NEB: variants seen among roughly 807,000 people sequenced by gnomAD.
The protein encoded by NEB is nebulin.
A neutral mutation model predicts 952.2 loss-of-function variants in NEB; 512 were observed. The observed-to-expected ratio is 0.54, with a 90% CI of 0.50 to 0.58. The LOEUF (loss-of-function observed/expected upper bound fraction) is 0.58, where lower values mean the gene tolerates loss of function less well. Among genes scored for constraint, NEB ranks in the 20% least tolerant of loss-of-function variants. The probability of loss-of-function intolerance (pLI) is 0.00; values close to 1 mark genes in which losing one functional copy is unlikely to be tolerated. For synonymous variants in NEB, 2,900 were observed against 3,149.8 expected, an observed-to-expected ratio of 0.92 and a Z score of 2.66; for missense variants, 8,428 against 9,231.1, an observed-to-expected ratio of 0.91 and a Z score of 3.56.
chr2:151,684,696 T>C, intron 28 of NEB, 82 bp downstream of exon 28: 1 of 1,314,594 alleles, frequency 7.6e-7, no homozygotes. Context: ...CTCTAAGAAG[T>C]GCAAAAACCT....
chr2:151,633,487 A>G (rs1264363393), intron 65 of NEB, among the ~76,000 whole-genome samples, 167 bp downstream of exon 65: 8 of 152,172 alleles, frequency 5.3e-5, no homozygotes, highest in Admixed American at 6.5e-5. Flanking sequence ...CTTTCTTATG[A>G]AGTCTATTAG....
At chr2:151,692,647 T>TA (rs1199469038) in intron 20 of NEB, among the ~76,000 whole-genome samples, 1 of 152,182 alleles carries the variant, frequency 6.6e-6, no homozygotes, top group Non-Finnish European at 1.5e-5. Flanking sequence ...TTTTTTGTCT[T>TA]AAAGTAATTC....
chr2:151,554,930 C>T lies in NEB; in HGVS notation c.19428+1G>A, dbSNP rs111279988. On this transcript the variant is annotated splice_donor_variant, in intron 125 of 181. Transcript: ENST00000397345. LOFTEE classifies it high-confidence loss of function. ...ATTAAGGGGCGCATGACCGTACTTA[C>T]ATCGATGTTAAGCTTGCCAACTCGG... The T allele has an allele frequency of 8.1e-6, 13 of 1,605,008 alleles. No individual in the cohort carries two copies. Among genetic ancestry groups the T allele is most frequent in the Non-Finnish European group, 6.0e-6 (7 of 1,171,812 alleles).
intron 13 of NEB, among the ~76,000 whole-genome samples, chr2:151,698,697 G>A (rs1444662876): frequency 1.3e-5 from 2 of 148,552 alleles, no homozygotes; most frequent in Non-Finnish European, 3.0e-5. Context: ...GAGTGCAGTG[G>A]CACAAACTCG....
At chr2:151,622,628 G>C (rs118093256) in intron 71 of NEB, among the ~76,000 whole-genome samples, 4,141 of 152,162 alleles carry the variant, frequency 0.027, 58 homozygotes, top group South Asian at 0.041. Flanking sequence ...AACTGATTAA[G>C]AGAAAATTGT....
At chr2:151,640,858 T>C (rs1039623582) in intron 60 of NEB, among the ~76,000 whole-genome samples, 192 bp from the exon 61 acceptor site, 1 of 151,872 alleles carries the variant, frequency 6.6e-6, no homozygotes, top group Non-Finnish European at 1.5e-5. Flanking sequence ...TTATATAAAA[T>C]ATATACCATA....
intron 13 of NEB, among the ~76,000 whole-genome samples, chr2:151,702,256 T>C (rs2099675491): frequency 6.6e-6 from 1 of 152,020 alleles, no homozygotes. Flanking sequence ...TCTGTTCTTT[T>C]ACATTTGCTG....
intron 27 of NEB, 27 bp from the exon 28 acceptor site, chr2:151,685,002 A>G (rs1254774443): frequency 1.9e-6 from 3 of 1,540,082 alleles, no homozygotes; most frequent in South Asian, 2.4e-5. Flanking sequence ...ATCATTTATT[A>G]TCACAAATCC....
intron 158 of NEB, 47 bp downstream of exon 158, chr2:151,514,771 G>A (rs1174738911): frequency 2.4e-6 from 3 of 1,263,788 alleles, no homozygotes; most frequent in Non-Finnish European, 3.4e-6. Flanking sequence ...TGTCACTAGT[G>A]CAATTATTTG....
chr2:151,519,159 C>T (rs2080210521), intron 154 of NEB, 90 bp from the exon 155 acceptor site: 1 of 843,382 alleles, frequency 1.2e-6, no homozygotes, highest in Non-Finnish European at 2.0e-6. Flanking sequence ...CATCGTCAAA[C>T]AAATGCTGGA....
chr2:151,617,659 G>A (rs545652087), intron 74 of NEB, among the ~76,000 whole-genome samples, 191 bp from the exon 75 acceptor site: 5 of 151,666 alleles, frequency 3.3e-5, no homozygotes, highest in South Asian at 2.1e-4. Context: ...AGGACTTATC[G>A]GTTATGAAAA....
chr2:151,659,937 T>C (rs781773637), intron 46 of NEB, among the ~76,000 whole-genome samples: 3 of 152,214 alleles, frequency 2.0e-5, no homozygotes, highest in Non-Finnish European at 2.9e-5. Context: ...ATTTAACTTA[T>C]GGCCTCTAGC....
At chr2:151,694,709 T>G in intron 18 of NEB, 80 bp from the exon 19 acceptor site, 1 of 1,010,806 alleles carries the variant, frequency 9.9e-7, no homozygotes, top group Non-Finnish European at 1.5e-6. Context: ...GGTAACTAAA[T>G]ACCTTATCTT....
chr2:151,519,091 A>G, intron 154 of NEB, 22 bp from the exon 155 acceptor site: 1 of 1,462,472 alleles, frequency 6.8e-7, no homozygotes. Flanking sequence ...GGGGGAAGAA[A>G]GGAAATCACG....
chr2:151,493,628 G>T, intron 175 of NEB, 147 bp downstream of exon 175: 2 of 747,248 alleles, frequency 2.7e-6, no homozygotes, highest in Non-Finnish European at 4.2e-6. Context: ...TGACCTCGTG[G>T]GGTTGGTTTG....
chr2:151,559,957 A>C (rs2153696756), intron 124 of NEB, among the ~76,000 whole-genome samples: 1 of 152,252 alleles, frequency 6.6e-6, no homozygotes, highest in African/African-American at 2.4e-5. Flanking sequence ...AACAAAACAC[A>C]CACACGCAAA....
chr2:151,630,654 T>C, intron 67 of NEB, 61 bp downstream of exon 67: 1 of 1,357,834 alleles, frequency 7.4e-7, no homozygotes. Context: ...CCCAAGAATC[T>C]CCACAAAACT....
chr2:151,525,179 G>A lies in NEB; in HGVS notation c.22256C>T (p.Ala7419Val), dbSNP rs2084988456. Residue 7419 changes from alanine to valine, a missense_variant, in exon 151 of 182, where the codon GCC becomes GTC. Around this residue, in one of 11 missense-constraint regions of NEB, gnomAD observed 3,374 missense variants for 3,651.5 expected, o/e 0.92. Coordinates refer to ENST00000397345, the MANE Select transcript of NEB (RefSeq NM_001164508.2). Reference protein sequence around the residue: ...PPEVKHAMEVAKKQSDVAYRK... With the variant: ...PPEVKHAMEVVKKQSDVAYRK... ...AAAACTTACATCACTTTGCTTCTTG[G>A]CCACTTCCATAGCATGTTTCACCTC... is the stretch of plus-strand genomic sequence containing the variant. 6.2e-7 allele frequency: 1 copy of A among 1,613,336 alleles called. No homozygotes were observed. The highest frequency in any genetic ancestry group is 8.5e-7 in the Non-Finnish European group (1 of 1,179,428).
Position 151,697,223 on chromosome 2 carries a change from G to A in NEB, c.1395C>T (p.Asp465=), listed in dbSNP as rs759268469. 7.4e-6 allele frequency: 12 copies of A among 1,613,738 alleles called. No individual in the cohort carries two copies. The African/African-American group carries it at 1.3e-4, about 18-fold the overall frequency. ...DKNYKAEYEE[D]RGKGFFPQTI... ...TCTGAGGGAAGAAGCCTTTGCCTCTGTCTTCTTCGTATTCTGCTTTGTAGT... is the reference window on the plus strand; with the variant it reads ...TCTGAGGGAAGAAGCCTTTGCCTCTATCTTCTTCGTATTCTGCTTTGTAGT... Residue 465 remains aspartate, a synonymous_variant, in exon 16 of 182, where the codon GAC becomes GAT. Coordinates refer to ENST00000397345, the MANE Select transcript of NEB (RefSeq NM_001164508.2).
Sources: gnomAD v4.1 joint callset for allele counts (sites outside exome capture counted in the v4.1 genomes callset) on GRCh38, gnomAD v4.1.1 for gene constraint, gnomAD v4.1.1 regional missense constraint, MANE v1.5 for transcripts, NCBI Gene and HGNC (gene_info 2026-07-23, HGNC 2026-07-21) for gene names.